The following NLRP7 variants were observed in gnomAD, a reference collection of about 807,000 sequenced individuals.
NLRP7 encodes NACHT, LRR and PYD domains-containing protein 7.
In NLRP7, 72 loss-of-function variants were observed where a neutral mutation model predicts 85.5. The ratio of observed to expected loss-of-function variants is 0.84; its 90% confidence interval spans 0.70 to 1.02. The LOEUF (loss-of-function observed/expected upper bound fraction) is 1.02, where lower values mean the gene tolerates loss of function less well. Among genes scored for constraint, NLRP7 ranks in the 50% least tolerant of loss-of-function variants. NLRP7 has a pLI of 0.00. For synonymous variants in NLRP7, 550 were observed against 505.2 expected (o/e 1.09, Z -1.19); for missense variants, 1,243 against 1,219.5 (o/e 1.02, Z -0.29).
At position 54,938,248 on chromosome 19, in the gene NLRP7, G is replaced by A; in HGVS notation, c.1932-7C>T. On this transcript the variant is annotated splice_region_variant and splice_polypyrimidine_tract_variant and intron_variant, in intron 4 of 9. Coordinates refer to ENST00000340844, the Ensembl canonical transcript of NLRP7. The stretch of plus-strand genomic sequence containing the variant: ...AATGGTTAGGTAAGTGCACCTGCAG[G>A]AGAACACACGTTCATCTCTTAGGAC... 6 of 1,612,880 alleles carry A rather than the reference G, an allele frequency of 3.7e-6. No individual in the cohort carries two copies. Among genetic ancestry groups the A allele is most frequent in the African/African-American group, 1.3e-5 (1 of 74,996 alleles).
chr19:54,923,711 G>T (rs1358612154), exon 10 of NLRP7: 1 of 1,611,736 alleles, frequency 6.2e-7, no homozygotes, highest in African/African-American at 1.3e-5. Context: ...CCCGCTTCCT[G>T]TGTAATTCGT....
intron 8 of NLRP7, 67 bp downstream of exon 8, chr19:54,933,502 C>G (rs1368862648): frequency 6.4e-7 from 1 of 1,572,446 alleles, no homozygotes; most frequent in African/African-American, 1.4e-5. Context: ...AATGAATTAA[C>G]AAGTACTTTC....
intron 4 of NLRP7, 150 bp downstream of exon 4, chr19:54,938,738 C>T: frequency 2.2e-6 from 2 of 889,814 alleles, no homozygotes; most frequent in Non-Finnish European, 1.8e-6. Context: ...AAATAAAAAG[C>T]CCCAATTCCT....
chr19:54,930,350 T>C, intron 9 of NLRP7, 149 bp downstream of exon 9: 2 of 650,820 alleles, frequency 3.1e-6, no homozygotes, highest in Non-Finnish European at 5.5e-6. Flanking sequence ...TAGAGCCAGC[T>C]ACTCAGGAGG....
chr19:54,959,585 G>A (rs1409738978), intron 1 of NLRP7, among the ~76,000 whole-genome samples: 1 of 151,748 alleles, frequency 6.6e-6, no homozygotes, highest in East Asian at 1.9e-4. Context: ...GGTTGAGGTG[G>A]GAGGATCCCT....
Position 54,943,038 on chromosome 19 carries a change from G to A in NLRP7, c.-39-1288C>T, listed in dbSNP as rs186964956. Among the ~76,000 whole-genome samples the A allele has an allele frequency of 5.9e-3, 897 of 151,920 alleles. 3 individuals are homozygous for A. The highest frequency in any genetic ancestry group is 0.015 in the South Asian group (71 of 4,804). On this transcript the variant is annotated intron_variant, in intron 1 of 9. Coordinates refer to ENST00000340844, the Ensembl canonical transcript of NLRP7. ...GGTAGGAACCTGTAATCCCAGGTAC[G>A]TGGGAGGCTGAGGCAGGAGAATCGC...
At chr19:54,924,923 C>T (rs142899190) in intron 9 of NLRP7, among the ~76,000 whole-genome samples, 82 of 152,166 alleles carry the variant, frequency 5.4e-4, no homozygotes, top group African/African-American at 1.9e-3. Flanking sequence ...GGTGACAGAG[C>T]GAGACTCTGC....
chr19:54,926,960 T>C (rs994423517), intron 9 of NLRP7, among the ~76,000 whole-genome samples: 10 of 144,680 alleles, frequency 6.9e-5, no homozygotes, highest in African/African-American at 2.6e-4. Context: ...TGTGGTGGTG[T>C]GTACCTGTAA....
At chr19:54,943,011 G>T (rs1208478311) in intron 1 of NLRP7, among the ~76,000 whole-genome samples, 1 of 152,054 alleles carries the variant, frequency 6.6e-6, no homozygotes, top group African/African-American at 2.4e-5. Context: ...GCCAAGTGTA[G>T]TGGTAGGAAC....
At chr19:54,926,017 T>G (rs2068419980) in intron 9 of NLRP7, among the ~76,000 whole-genome samples, 1 of 149,056 alleles carries the variant, frequency 6.7e-6, no homozygotes. Context: ...AAAAGACAGA[T>G]TCAAAAAAAA....
chr19:54,964,624 ACCAGCCTGG>A lies in NLRP7; in HGVS notation c.-77+1407_-77+1415del, dbSNP rs1406735851. Among the ~76,000 whole-genome samples, 7 of 151,538 alleles carry A rather than the reference ACCAGCCTGG, an allele frequency of 4.6e-5. No homozygotes were observed. In the South Asian group the frequency reaches 1.2e-3, roughly 27 times the overall value. ...GATCACCTGAGGTCAGGAGTTTGAG[ACCAGCCTGG>A]CCAGCATGGCAAAACCCCGTCTCTA... On this transcript the variant is annotated intron_variant, in intron 1 of 2. Transcript: ENST00000587103.
intron 1 of NLRP7, among the ~76,000 whole-genome samples, chr19:54,962,117 C>G (rs376629605): frequency 1.4e-5 from 2 of 143,748 alleles, no homozygotes; most frequent in South Asian, 2.5e-4. Flanking sequence ...GAGCTGAGAT[C>G]GCGCCATTGC....
intron 3 of NLRP7, 25 bp downstream of exon 3, chr19:54,940,906 T>C: frequency 1.4e-6 from 2 of 1,436,544 alleles, no homozygotes; most frequent in Non-Finnish European, 9.8e-7. Flanking sequence ...ACCAAACTCA[T>C]GACCATAGGA....
At chr19:54,955,242 TCAC>T (rs2069813813) in intron 1 of NLRP7, among the ~76,000 whole-genome samples, 1 of 151,462 alleles carries the variant, frequency 6.6e-6, no homozygotes, top group Non-Finnish European at 1.5e-5. Flanking sequence ...GGCAGGAGAA[TCAC>T]TTGAACCCGG....
exon 2 of NLRP7, chr19:54,941,502 C>T (rs111764628): frequency 3.3e-5 from 53 of 1,613,810 alleles, no homozygotes; most frequent in East Asian, 6.7e-5. Flanking sequence ...TGTTCACAGT[C>T]GCATTCCTTA....
upstream of NLRP7, among the ~76,000 whole-genome samples, chr19:54,948,534 A>G (rs533580256): frequency 1.1e-3 from 175 of 152,244 alleles, no homozygotes; most frequent in African/African-American, 4.2e-3. Flanking sequence ...TAGGCCACAG[A>G]GTGAGACCCA....
intron 8 of NLRP7, among the ~76,000 whole-genome samples, chr19:54,932,441 G>T (rs1219833513): frequency 7.4e-6 from 1 of 135,904 alleles, no homozygotes; most frequent in African/African-American, 2.8e-5. Context: ...AAAAAAAAAT[G>T]AATCTCAGAA....
chr19:54,938,455 G>T (rs1213547199), intron 4 of NLRP7, among the ~76,000 whole-genome samples: 13 of 152,162 alleles, frequency 8.5e-5, no homozygotes, highest in Admixed American at 8.5e-4. Flanking sequence ...TGAGTGAGGT[G>T]GCTCATGCCT....
intron 1 of NLRP7, among the ~76,000 whole-genome samples, chr19:54,954,528 C>CAAAA (rs35846819): frequency 4.0e-4 from 19 of 47,506 alleles, no homozygotes; most frequent in African/African-American, 1.2e-3. Flanking sequence ...GACTCCGTCT[C>CAAAA]AAAAAAAAAA....
Sources: gnomAD v4.1 joint callset for allele counts (sites outside exome capture counted in the v4.1 genomes callset) on GRCh38, gnomAD v4.1.1 for gene constraint, MANE v1.5 for transcripts, NCBI Gene and HGNC (gene_info 2026-07-23, HGNC 2026-07-21) for gene names.